SLC2A13: variants seen among roughly 807,000 people sequenced by gnomAD.
SLC2A13 encodes proton myo-inositol cotransporter.
In SLC2A13, 32 loss-of-function variants were observed where a neutral mutation model predicts 64.4. The ratio of observed to expected loss-of-function variants is 0.50; its 90% confidence interval spans 0.37 to 0.67. The LOEUF is 0.67. SLC2A13 is among the 30% of genes least tolerant of loss of function. The pLI is 0.00. For missense variants in SLC2A13, 743 were observed against 829.2 expected (o/e 0.90, Z 1.28); for synonymous variants, 338 against 327.1 (o/e 1.03, Z -0.36).
chr12:40,014,963 T>C (rs1175442941), intron 3 of SLC2A13, among the ~76,000 whole-genome samples: 1 of 152,238 alleles, frequency 6.6e-6, no homozygotes. Flanking sequence ...AAGTAATATG[T>C]AAAAACTCCA....
chr12:40,018,084 T>C (rs1947649965), intron 3 of SLC2A13, among the ~76,000 whole-genome samples: 1 of 151,410 alleles, frequency 6.6e-6, no homozygotes, highest in Admixed American at 6.6e-5. Flanking sequence ...AAAACAGACA[T>C]ACTTAATGGT....
chr12:39,947,831 T>G (rs1014033209), intron 4 of SLC2A13, among the ~76,000 whole-genome samples: 7 of 151,920 alleles, frequency 4.6e-5, no homozygotes, highest in African/African-American at 1.7e-4. Flanking sequence ...CAGCTAATTT[T>G]GTGTATTTTT....
rs1947419768 is a variant in SLC2A13, at chr12:40,006,427, G to T, written c.925+21874C>A. 2.0e-5 allele frequency among the ~76,000 whole-genome samples: 3 copies of T among 152,260 alleles called. No homozygotes were observed. The South Asian group carries it at 6.2e-4, about 32-fold the overall frequency. On this transcript the variant is annotated intron_variant, in intron 3 of 9. Transcript: ENST00000280871. ...CAATAATATGAATCTCTATCAAAGA[G>T]ATGTGGTAAGGATTAAACAAAACAA...
chr12:39,776,630 G>A (rs1940789983), intron 7 of SLC2A13, among the ~76,000 whole-genome samples: 2 of 152,242 alleles, frequency 1.3e-5, no homozygotes, highest in Admixed American at 6.5e-5. Context: ...AGTTGACAGT[G>A]ATGGAGAAGA....
chr12:39,939,454 C>T (rs894487308), intron 4 of SLC2A13, among the ~76,000 whole-genome samples: 3 of 152,212 alleles, frequency 2.0e-5, no homozygotes, highest in African/African-American at 7.2e-5. Flanking sequence ...AGAAAGTACA[C>T]CCTTTCCCTT....
At chr12:39,942,562 G>C (rs1005535094) in intron 4 of SLC2A13, among the ~76,000 whole-genome samples, 2 of 152,158 alleles carry the variant, frequency 1.3e-5, no homozygotes, top group African/African-American at 4.8e-5. Flanking sequence ...TATTAATCTT[G>C]TACCAGGAAA....
At chr12:39,988,030 T>G (rs990092814) in intron 3 of SLC2A13, among the ~76,000 whole-genome samples, 1 of 152,248 alleles carries the variant, frequency 6.6e-6, no homozygotes, top group Non-Finnish European at 1.5e-5. Context: ...AAATCCCCTA[T>G]TGATAAATGT....
In SLC2A13 at chr12:39,842,863, T is replaced by C. The variant is rs545096203; in HGVS notation, c.1320-12635A>G. ...TGGACATTTTATATCAATGTAATTATACAATGTGCTCTGTTGTTTCTGGCC... is the reference window on the plus strand; with the variant it reads ...TGGACATTTTATATCAATGTAATTACACAATGTGCTCTGTTGTTTCTGGCC... On this transcript the variant is annotated intron_variant, in intron 6 of 9. Coordinates refer to ENST00000280871, the MANE Select transcript of SLC2A13 (RefSeq NM_052885.4). Among the ~76,000 whole-genome samples, 19 of 152,180 alleles carry C rather than the reference T, an allele frequency of 1.2e-4. No individual in the cohort carries two copies. In the South Asian group the frequency reaches 3.3e-3, roughly 27 times the overall value.
chr12:39,944,106 G>A (rs761401063), intron 4 of SLC2A13, among the ~76,000 whole-genome samples: 5 of 152,188 alleles, frequency 3.3e-5, no homozygotes, highest in Non-Finnish European at 5.9e-5. Flanking sequence ...TTGGCCCAAC[G>A]CTCATTCAGG....
chr12:39,858,656 G>T (rs1257009243), intron 6 of SLC2A13, among the ~76,000 whole-genome samples: 1 of 152,108 alleles, frequency 6.6e-6, no homozygotes, highest in African/African-American at 2.4e-5. Context: ...GCCTGGGCTG[G>T]AGTGCAATGG....
At chr12:39,853,724 G>T (rs941729805) in intron 6 of SLC2A13, among the ~76,000 whole-genome samples, 18 of 151,830 alleles carry the variant, frequency 1.2e-4, no homozygotes, top group Admixed American at 1.3e-4. Flanking sequence ...TTGCTGAGAA[G>T]GTGAAGTGAT....
Position 39,876,072 on chromosome 12 carries a change from A to C in SLC2A13, c.1035-4111T>G, listed in dbSNP as rs562502976. Among the ~76,000 whole-genome samples, 3 of 152,312 alleles carry C rather than the reference A, an allele frequency of 2.0e-5. No individual in the cohort carries two copies. The South Asian group carries it at 6.2e-4, about 32-fold the overall frequency. ...TTTTATAATATCTATCAGACAAACT[A>C]TCATCTTCTTCAAAGATTCCCTGGG... On this transcript the variant is annotated intron_variant, in intron 4 of 9. Coordinates refer to ENST00000280871, the MANE Select transcript of SLC2A13 (RefSeq NM_052885.4).
intron 6 of SLC2A13, among the ~76,000 whole-genome samples, chr12:39,858,702 G>T (rs981837270): frequency 1.3e-5 from 2 of 152,138 alleles, no homozygotes; most frequent in African/African-American, 4.8e-5. Context: ...CGCCTCCCAG[G>T]TTCAAGCGAT....
chr12:39,773,361 A>T (rs982467516), intron 7 of SLC2A13, among the ~76,000 whole-genome samples: 2 of 152,176 alleles, frequency 1.3e-5, no homozygotes, highest in Non-Finnish European at 2.9e-5. Flanking sequence ...TATACAGACC[A>T]AATAAATAAT....
intron 1 of SLC2A13, among the ~76,000 whole-genome samples, chr12:40,071,138 A>G (rs10082797): frequency 0.22 from 33,465 of 152,024 alleles, 4,316 homozygotes; most frequent in East Asian, 0.49. Context: ...AGCATCTTAA[A>G]AAGTCCATTT....
At chr12:39,983,260 A>G (rs998206157) in intron 3 of SLC2A13, among the ~76,000 whole-genome samples, 9 of 135,024 alleles carry the variant, frequency 6.7e-5, no homozygotes, top group Admixed American at 6.1e-4. Context: ...TTCAGGACAT[A>G]GGCGTGGGCA....
In SLC2A13 at chr12:39,805,057, A is replaced by AGG. The variant is rs1178409745; in HGVS notation, c.1445+25045_1445+25046insCC. Among the ~76,000 whole-genome samples, 36 of 151,996 alleles carry AGG rather than the reference A, an allele frequency of 2.4e-4. 1 individual carries two copies. Among genetic ancestry groups the AGG allele is most frequent in the Non-Finnish European group, 3.1e-4 (21 of 67,944 alleles). On this transcript the variant is annotated intron_variant, in intron 7 of 9. Transcript: ENST00000280871. ...CCTGCTGGAGGGAGAAGCCTGCTGG[A>AGG]GAGAGAAGCCTGCTGGGCAGGCAAG...
chr12:40,019,770 T>C (rs1242204858), intron 3 of SLC2A13, among the ~76,000 whole-genome samples: 3 of 152,120 alleles, frequency 2.0e-5, no homozygotes, highest in Non-Finnish European at 4.4e-5. Flanking sequence ...AGATGTGCAG[T>C]GGGAATCATT....
intron 4 of SLC2A13, among the ~76,000 whole-genome samples, chr12:39,946,354 G>T (rs1163928190): frequency 1.3e-5 from 2 of 152,230 alleles, no homozygotes; most frequent in East Asian, 3.9e-4. Flanking sequence ...CCATTAGGTG[G>T]AACTTTCCAG....
Sources: allele counts gnomAD v4.1 joint callset (sites outside exome capture counted in the v4.1 genomes callset), GRCh38; gene constraint gnomAD v4.1.1; transcripts MANE v1.5; gene names NCBI Gene and HGNC (gene_info 2026-07-23, HGNC 2026-07-21).